Variants in SLC23A1 observed in about 807,000 individuals in gnomAD.
The protein encoded by SLC23A1 is Na(+)/L-ascorbic acid transporter 1.
In SLC23A1, 31 loss-of-function variants were observed where a neutral mutation model predicts 62.5. The ratio of observed to expected loss-of-function variants is 0.50; its 90% CI spans 0.37 to 0.67. The LOEUF is 0.67. SLC23A1 is among the 30% of genes least tolerant of loss of function. The pLI, the probability that SLC23A1 is intolerant of heterozygous loss-of-function variation, is 0.00. For synonymous variants in SLC23A1, 271 were observed against 313.2 expected (o/e 0.87, Z 1.42); for missense variants, 640 against 782.7 (o/e 0.82, Z 2.18).
At position 139,380,680 on chromosome 5, in the gene SLC23A1, A is replaced by T. The variant is rs1173549450; in HGVS notation, c.398-48T>A. 3 of 1,530,966 alleles carry T rather than the reference A, an allele frequency of 2.0e-6. No individual in the cohort carries two copies. In the Admixed American group the frequency reaches 5.0e-5, roughly 26 times the overall value. 94.8% of individuals were successfully genotyped at this position (1,530,966 alleles called of 1,614,324 possible). A position where few individuals can be genotyped will look rare whatever the true frequency, so the allele number is the denominator to read the frequency against. On this transcript the variant is annotated intron_variant, in intron 4 of 14. Coordinates refer to ENST00000348729, the MANE Select transcript of SLC23A1 (RefSeq NM_005847.5). Reference sequence around the variant, plus strand: ...ACACACGGACCAGGTACAGAGACAGAGAGGGAGAGAAGATGCTGCCATGGC... The same window carrying T: ...ACACACGGACCAGGTACAGAGACAGTGAGGGAGAGAAGATGCTGCCATGGC...
intron 13 of SLC23A1, among the ~76,000 whole-genome samples, chr5:139,377,001 A>G (rs1371035341): frequency 2.0e-5 from 3 of 152,138 alleles, no homozygotes; most frequent in Non-Finnish European, 4.4e-5. Context: ...AGCCACCTGT[A>G]GTCCCAGCTA....
At chr5:139,376,979 G>A (rs1047264809) in intron 13 of SLC23A1, among the ~76,000 whole-genome samples, 6 of 152,182 alleles carry the variant, frequency 3.9e-5, no homozygotes, top group African/African-American at 1.4e-4. Flanking sequence ...AAAATTAGCT[G>A]GGCGTGGTGG....
In SLC23A1 at chr5:139,378,389, G is replaced by A. The variant is rs767189343; in HGVS notation, c.1180-38C>T. On this transcript the variant is annotated intron_variant, in intron 10 of 14. Transcript: ENST00000348729. The surrounding 1 kb of genome is among the most constrained non-coding windows in gnomAD (Gnocchi z 4.5). ...CAGCGGGGAAGCTAGACCTGGGGAC[G>A]AGGCTGGGGCGGGGTTAGTTCCAGG... 5.2e-6 allele frequency: 8 copies of A among 1,546,400 alleles called. No homozygotes were observed. Among genetic ancestry groups the A allele is most frequent in the Non-Finnish European group, 7.0e-6 (8 of 1,144,862 alleles).
chr5:139,378,388 C>G lies in SLC23A1; in HGVS notation c.1180-37G>C. 3 of 1,545,772 alleles carry G rather than the reference C, an allele frequency of 1.9e-6. No individual in the cohort carries two copies. Among genetic ancestry groups the G allele is most frequent in the Non-Finnish European group, 2.6e-6 (3 of 1,144,398 alleles). On this transcript the variant is annotated intron_variant, in intron 10 of 14. Coordinates refer to ENST00000348729, the MANE Select transcript of SLC23A1 (RefSeq NM_005847.5). The surrounding 1 kb of genome is among the most constrained non-coding windows in gnomAD (Gnocchi z 4.5). ...CCAGCGGGGAAGCTAGACCTGGGGA[C>G]GAGGCTGGGGCGGGGTTAGTTCCAG...
chr5:139,368,552 T>C (rs1757441609), intron 14 of SLC23A1, among the ~76,000 whole-genome samples: 1 of 151,970 alleles, frequency 6.6e-6, no homozygotes, highest in Non-Finnish European at 1.5e-5. Context: ...AAAAAGTTGA[T>C]GTAATTTAAT....
chr5:139,384,649 C>T (rs975015917), upstream of SLC23A1: 77 of 1,218,342 alleles, frequency 6.3e-5, no homozygotes, highest in Non-Finnish European at 7.6e-5. Context: ...CCTGCAGATA[C>T]GGCTCCATGG....
chr5:139,379,750 C>T lies in SLC23A1; in HGVS notation c.853G>A (p.Gly285Ser). ...CGGGCATCGGTTCGTGCCTGGAAGC[C>T]ATAGGCTTTTGGGTCTGTGGGCAGC... ...DVLPTDPKAY[G>S]FQARTDARGD... Residue 285 changes from glycine (G) to serine (S), a missense_variant, in exon 8 of 15, where the codon GGC becomes AGC. Physicochemically the swap from Gly to Ser is moderately conservative, Grantham distance 56 (BLOSUM62 0). Coordinates refer to ENST00000348729, the MANE Select transcript of SLC23A1 (RefSeq NM_005847.5). This position sits in a 1 kb window ranked among gnomAD's most constrained non-coding sequence, Gnocchi z 4.7. The T allele has an allele frequency of 6.2e-7, 1 of 1,614,004 alleles. No individual in the cohort carries two copies.
chr5:139,377,648 A>G (rs957418774), intron 12 of SLC23A1, 151 bp from the exon 13 acceptor site: 26 of 634,086 alleles, frequency 4.1e-5, no homozygotes, highest in Non-Finnish European at 6.8e-5. Context: ...TTCAAGTCCC[A>G]ATTCTGCCAG....
intron 13 of SLC23A1, among the ~76,000 whole-genome samples, chr5:139,376,596 AT>A (rs1157116446): frequency 6.6e-6 from 1 of 152,202 alleles, no homozygotes; most frequent in Non-Finnish European, 1.5e-5. Flanking sequence ...ACCTGGTGAC[AT>A]TTATTTTATA....
chr5:139,381,799 C>T (rs1389791570), intron 3 of SLC23A1, 93 bp downstream of exon 3: 20 of 1,080,092 alleles, frequency 1.9e-5, no homozygotes, highest in Non-Finnish European at 2.6e-5. Flanking sequence ...GCTTTTTTGT[C>T]TCACCAGTGT....
chr5:139,375,165 T>G (rs182211433), intron 13 of SLC23A1, among the ~76,000 whole-genome samples: 134 of 152,288 alleles, frequency 8.8e-4, no homozygotes, highest in Non-Finnish European at 1.0e-3. Context: ...GTGGCTGTGA[T>G]CAGGCTGGTA....
intron 1 of SLC23A1, 136 bp downstream of exon 1, chr5:139,383,082 C>T (rs544883527): frequency 1.6e-6 from 1 of 618,668 alleles, no homozygotes; most frequent in East Asian, 3.2e-5. Flanking sequence ...CCAGTTGCCA[C>T]ATTCAATTTG....
intron 13 of SLC23A1, among the ~76,000 whole-genome samples, chr5:139,376,246 C>T (rs113085920): frequency 0.014 from 2,047 of 151,044 alleles, 54 homozygotes; most frequent in African/African-American, 0.046. Context: ...CTCGGCCCAC[C>T]GCAACCTTCG....
chr5:139,384,903 C>T (rs1403776760), upstream of SLC23A1, among the ~76,000 whole-genome samples: 2 of 152,190 alleles, frequency 1.3e-5, no homozygotes, highest in Non-Finnish European at 2.9e-5. Context: ...GAGTGAAGGC[C>T]ACGGATGGTG....
Position 139,372,049 on chromosome 5 carries a change from G to A in SLC23A1, c.1754C>T (p.Thr585Ile), listed in dbSNP as rs569913696. Residue 585 changes from threonine to isoleucine, a missense_variant, in exon 14 of 15, where the codon ACT becomes ATT. Physicochemically the swap from Thr to Ile is moderately conservative, Grantham distance 89. Coordinates refer to ENST00000348729, the MANE Select transcript of SLC23A1 (RefSeq NM_005847.5). ...AGATGCAGTTTCTGTATTTTCTGGA[G>A]TGTCTTCTGGAATTGCAATCTGATC... ...SKDQIAIPED[T>I]PENTETASVC... The A allele has an allele frequency of 1.9e-6, 3 of 1,613,434 alleles. No individual in the cohort carries two copies. The highest frequency in any genetic ancestry group is 2.2e-5 in the East Asian group (1 of 44,892).
Position 139,381,371 on chromosome 5 carries a change from C to T in SLC23A1, c.309-485G>A, listed in dbSNP as rs368315418. Among the ~76,000 whole-genome samples the T allele has an allele frequency of 9.2e-5, 14 of 152,244 alleles. No individual in the cohort carries two copies. The East Asian group carries it at 9.7e-4, about 11-fold the overall frequency. ...AGAATGGGGTTTAAGAGGGGAGAGC[C>T]GGCTAGGCTTGGTGGCTCACGCCTG... is the stretch of plus-strand genomic sequence containing the variant. On this transcript the variant is annotated intron_variant, in intron 3 of 14. Coordinates refer to ENST00000348729, the MANE Select transcript of SLC23A1 (RefSeq NM_005847.5).
At chr5:139,374,840 A>G (rs757305840) in intron 13 of SLC23A1, among the ~76,000 whole-genome samples, 3 of 152,102 alleles carry the variant, frequency 2.0e-5, no homozygotes, top group Non-Finnish European at 2.9e-5. Flanking sequence ...GATGCTCTCC[A>G]TCTCCTCATA....
chr5:139,384,569 C>A (rs748753735), upstream of SLC23A1: 2 of 1,284,376 alleles, frequency 1.6e-6, no homozygotes, highest in African/African-American at 3.0e-5. Context: ...CTCTGCAACT[C>A]CCCAGCACTT....
chr5:139,376,564 G>A (rs1757957882), intron 13 of SLC23A1, among the ~76,000 whole-genome samples: 1 of 152,174 alleles, frequency 6.6e-6, no homozygotes, highest in African/African-American at 2.4e-5. Context: ...TTTGCTAAAT[G>A]TTAACTGTTT....
Sources: allele counts gnomAD v4.1 joint callset (sites outside exome capture counted in the v4.1 genomes callset), GRCh38; gene constraint gnomAD v4.1.1; non-coding constraint Gnocchi (gnomAD v3.1); transcripts MANE v1.5; gene names NCBI Gene and HGNC (gene_info 2026-07-23, HGNC 2026-07-21).